Variants in NUP155 observed in about 807,000 individuals in gnomAD.
NUP155 encodes nuclear pore complex protein Nup155.
Under a neutral mutation model 180.4 loss-of-function variants are expected in NUP155, and 71 were observed. The ratio of observed to expected loss-of-function variants is 0.39; its 90% CI spans 0.33 to 0.48. NUP155 has a LOEUF of 0.48. Ranked by LOEUF, NUP155 falls within the 20% of genes least tolerant of loss-of-function variation. The pLI, the probability that NUP155 is intolerant of heterozygous loss-of-function variation, is 0.91. For synonymous variants in NUP155, 582 were observed against 559.5 expected (o/e 1.04, Z -0.57); for missense variants, 1,553 against 1,648.9 (o/e 0.94, Z 1.01).
chr5:37,320,934 T>C (rs1455177480), intron 20 of NUP155, among the ~76,000 whole-genome samples: 1 of 152,172 alleles, frequency 6.6e-6, no homozygotes, highest in African/African-American at 2.4e-5. Flanking sequence ...AAATCATATG[T>C]AGAACTTCTT....
rs1209108892 is a variant in NUP155 at position 37,303,276 on chromosome 5, G to C, written c.3301C>G (p.Leu1101Val). Residue 1101 changes from leucine (L) to valine (V), a missense_variant, in exon 28 of 35, where the codon CTG becomes GTG. Physicochemically the swap from Leu to Val is conservative, Grantham distance 32. Coordinates refer to ENST00000231498, the MANE Select transcript of NUP155 (RefSeq NM_153485.3). ...ATGCCATACCTATGCATGTCAGCCA[G>C]TCTGGACAGTACACGAGCAGCATTA... is the stretch of plus-strand genomic sequence containing the variant. ...FSNAARVLSR[L>V]ADMHSTEISL... 8 of 1,613,980 alleles carry C rather than the reference G, an allele frequency of 5.0e-6. No homozygotes were observed. The highest frequency in any genetic ancestry group is 6.8e-6 in the Non-Finnish European group (8 of 1,179,998).
At chr5:37,317,670 C>G (rs1384497397) in intron 21 of NUP155, among the ~76,000 whole-genome samples, 1 of 146,118 alleles carries the variant, frequency 6.8e-6, no homozygotes, top group South Asian at 2.2e-4. Flanking sequence ...TCCATATTAT[C>G]CTACTTTCCC....
intron 3 of NUP155, among the ~76,000 whole-genome samples, chr5:37,359,798 A>C (rs1450886900): frequency 6.6e-6 from 1 of 152,198 alleles, no homozygotes; most frequent in Non-Finnish European, 1.5e-5. Context: ...AAGAAATGTA[A>C]AGTAACTATG....
chr5:37,364,093 CTT>C, intron 2 of NUP155, 109 bp from the exon 3 acceptor site: 1 of 1,100,136 alleles, frequency 9.1e-7, no homozygotes, highest in East Asian at 2.5e-5. Context: ...TGTGTCCACT[CTT>C]TAATACAACA....
Position 37,325,776 on chromosome 5 carries a change from A to AC in NUP155, c.2091+124_2091+125insG. ...AGAGCAGGACTCTGTCTCAAAAAAA[A>AC]AAAAAAAAAAAAAAATAACCTTTGC... On this transcript the variant is annotated intron_variant, in intron 19 of 34. Coordinates refer to ENST00000231498, the MANE Select transcript of NUP155 (RefSeq NM_153485.3). 6 of 633,748 alleles carry AC rather than the reference A, an allele frequency of 9.5e-6. No individual in the cohort carries two copies. The South Asian group carries it at 1.2e-4, about 12-fold the overall frequency. 39.3% of individuals were successfully genotyped at this position (633,748 alleles called of 1,614,324 possible). A position where few individuals can be genotyped will look rare whatever the true frequency, so the allele number is the denominator to read the frequency against.
intron 4 of NUP155, among the ~76,000 whole-genome samples, chr5:37,354,916 AC>A (rs1216693708): frequency 6.6e-6 from 1 of 151,792 alleles, no homozygotes; most frequent in East Asian, 2.0e-4. Flanking sequence ...ACATGGTGAA[AC>A]CCTGTCTCTA....
chr5:37,309,151 A>G lies in NUP155; in HGVS notation c.2745T>C (p.Asn915=). The G allele has an allele frequency of 6.2e-7, 1 of 1,613,686 alleles. No homozygotes were observed. The highest frequency in any genetic ancestry group is 8.5e-7 in the Non-Finnish European group (1 of 1,179,854). ...QKISNQVDLS[N]VCAQYRQVRF... is the part of the protein sequence containing the mutation. ...CACCTTGTCTATACTGAGCACAAACATTGGAAAGGTCCACTTGATTGCTAA... is the reference window on the plus strand; with the variant it reads ...CACCTTGTCTATACTGAGCACAAACGTTGGAAAGGTCCACTTGATTGCTAA... The change falls in exon 24 of 35, where the codon AAT becomes AAC. Residue 915 remains asparagine (N), a synonymous_variant. Transcript: ENST00000231498.
intron 5 of NUP155, 136 bp from the exon 6 acceptor site, chr5:37,351,492 G>T: frequency 1.6e-6 from 1 of 627,698 alleles, no homozygotes; most frequent in Non-Finnish European, 2.7e-6. Context: ...CTGTCACCCA[G>T]GCTGGGTGCA....
chr5:37,316,314 G>A (rs1034288880), intron 21 of NUP155, among the ~76,000 whole-genome samples: 3 of 152,178 alleles, frequency 2.0e-5, no homozygotes, highest in Non-Finnish European at 2.9e-5. Context: ...AGTGACATAA[G>A]CCTGCCACAA....
In NUP155 at chr5:37,331,905, C is replaced by T. The variant is rs993330152; in HGVS notation, c.1519-110G>A. On this transcript the variant is annotated intron_variant, in intron 13 of 34. Transcript: ENST00000231498. ...AATGAAACAAACAAAAAAAACCATT[C>T]AACAATACAAAGTAGGCTGGGTATG... is the stretch of plus-strand genomic sequence containing the variant. 6.7e-6 allele frequency: 5 copies of T among 742,374 alleles called. No individual in the cohort carries two copies. In the African/African-American group the frequency reaches 7.0e-5, roughly 10 times the overall value. 46.0% of individuals were successfully genotyped at this position (742,374 alleles called of 1,614,324 possible).
intron 3 of NUP155, among the ~76,000 whole-genome samples, chr5:37,360,614 C>T (rs1482188660): frequency 6.6e-6 from 1 of 151,658 alleles, no homozygotes; most frequent in Admixed American, 6.6e-5. Flanking sequence ...GGTGAAACTC[C>T]GTCTCCACTA....
intron 1 of NUP155, among the ~76,000 whole-genome samples, chr5:37,369,358 A>C (rs6898703): frequency 0.051 from 7,763 of 152,330 alleles, 705 homozygotes; most frequent in African/African-American, 0.18. Context: ...AGAAACAATA[A>C]AAGTAAGATA....
At chr5:37,302,996 C>A in intron 28 of NUP155, 88 bp from the exon 29 acceptor site, 1 of 1,366,352 alleles carries the variant, frequency 7.3e-7, no homozygotes, top group South Asian at 1.2e-5. Context: ...TGTTTCATAC[C>A]AAACACACAT....
At position 37,303,394 on chromosome 5, in the gene NUP155, C is replaced by T; in HGVS notation, c.3183G>A (p.Glu1061=). ...KLLQVASPFL[E]PHLVRMAKVD... ...CTTTGGCCATTCGGACTAGATGTGG[C>T]TCCAGAAATGGAGAAGCAACCTAGA... Residue 1061 remains glutamate (E), a synonymous_variant, in exon 28 of 35, where the codon GAG becomes GAA. Coordinates refer to ENST00000231498, the MANE Select transcript of NUP155 (RefSeq NM_153485.3). The T allele has an allele frequency of 1.2e-6, 2 of 1,614,072 alleles. No homozygotes were observed. The highest frequency in any genetic ancestry group is 1.7e-6 in the Non-Finnish European group (2 of 1,179,982).
Position 37,370,936 on chromosome 5 carries a change from T to C in NUP155, c.42A>G (p.Thr14=), listed in dbSNP as rs750378280. Residue 14 remains threonine (T), a synonymous_variant, in exon 1 of 35, where the codon ACA becomes ACG. Transcript: ENST00000231498. ...SLLGAAMPAS[T]SAAALQEALE... ...GAGCTTCCTGCAGGGCTGCGGCAGA[T>C]GTAGAGGCCGGCATCGCCGCGCCCA... The C allele has an allele frequency of 4.3e-6, 7 of 1,614,140 alleles. No individual in the cohort carries two copies. The East Asian group carries it at 1.6e-4, about 36-fold the overall frequency.
chr5:37,345,908 CAAAAAA>C (rs35161106), intron 9 of NUP155, among the ~76,000 whole-genome samples: 2 of 67,306 alleles, frequency 3.0e-5, no homozygotes, highest in Non-Finnish European at 7.1e-5. Context: ...GATTCCATCT[CAAAAAA>C]AAAAAAAAAA....
chr5:37,310,192 G>C (rs1743436734), intron 23 of NUP155, among the ~76,000 whole-genome samples: 1 of 151,950 alleles, frequency 6.6e-6, no homozygotes, highest in Non-Finnish European at 1.5e-5. Context: ...AAAAAAATTG[G>C]CTGGGTGTAG....
intron 25 of NUP155, among the ~76,000 whole-genome samples, chr5:37,305,732 C>T (rs949271116): frequency 6.6e-6 from 1 of 151,760 alleles, no homozygotes; most frequent in African/African-American, 2.4e-5. Flanking sequence ...ATTAACCAGG[C>T]GTGGCGGTGT....
Position 37,363,092 on chromosome 5 carries a change from A to C in NUP155, c.392+796T>G, listed in dbSNP as rs974821227. 3.9e-5 allele frequency among the ~76,000 whole-genome samples: 6 copies of C among 152,108 alleles called. 1 individual carries two copies. Among genetic ancestry groups the C allele is most frequent in the African/African-American group, 1.4e-4 (6 of 41,404 alleles). ...ACACTTGGCTAATTTTTGTATTTTTAGTAGAGACAGGGTTTCTCCATGTTG... is the reference window on the plus strand; with the variant it reads ...ACACTTGGCTAATTTTTGTATTTTTCGTAGAGACAGGGTTTCTCCATGTTG... On this transcript the variant is annotated intron_variant, in intron 3 of 34. Transcript: ENST00000231498.
Sources: allele counts gnomAD v4.1 joint callset (sites outside exome capture counted in the v4.1 genomes callset), GRCh38; gene constraint gnomAD v4.1.1; transcripts MANE v1.5; gene names NCBI Gene and HGNC (gene_info 2026-07-23, HGNC 2026-07-21).